AGAP1: variants seen among roughly 807,000 people sequenced by gnomAD.
AGAP1 encodes ArfGAP with GTPase domain, ankyrin repeat and PH domain 1.
Under a neutral mutation model 105.3 loss-of-function variants are expected in AGAP1, and 29 were observed. The ratio of observed to expected loss-of-function variants is 0.28; its 90% CI spans 0.21 to 0.38. The LOEUF is 0.38. Among genes scored for constraint, AGAP1 ranks in the 10% least tolerant of loss-of-function variants. The pLI is 1.00. For missense variants in AGAP1, 998 were observed against 1,165.1 expected (o/e 0.86, Z 2.09); for synonymous variants, 509 against 485.9 (o/e 1.05, Z -0.63).
In AGAP1 at chr2:235,963,732, G is replaced by A. The variant is rs1208974156; in HGVS notation, c.1484-4730G>A. 1.3e-5 allele frequency among the ~76,000 whole-genome samples: 2 copies of A among 152,138 alleles called. No individual in the cohort carries two copies. The highest frequency in any genetic ancestry group is 1.3e-4 in the Admixed American group (2 of 15,272). On this transcript the variant is annotated intron_variant, in intron 12 of 17. Coordinates refer to ENST00000304032, the MANE Select transcript of AGAP1 (RefSeq NM_001037131.3). The surrounding 1 kb of genome is among the most constrained non-coding windows in gnomAD (Gnocchi z 5.1). ...TGTTCACCATCTTTTTCATTGATGT[G>A]GATGGATATATGGGAGTATATGCTC...
chr2:235,814,605 G>A (rs761756945), intron 9 of AGAP1, among the ~76,000 whole-genome samples: 2 of 152,150 alleles, frequency 1.3e-5, no homozygotes, highest in Non-Finnish European at 2.9e-5. Context: ...GTGTACTGAC[G>A]ATCCCATCCC....
In AGAP1 at chr2:235,981,833, G is replaced by A. The variant is rs902975575; in HGVS notation, c.1645+13210G>A. Among the ~76,000 whole-genome samples, 5 of 152,312 alleles carry A rather than the reference G, an allele frequency of 3.3e-5. 1 individual carries two copies. The highest frequency in any genetic ancestry group is 4.1e-4 in the South Asian group (2 of 4,826). On this transcript the variant is annotated intron_variant, in intron 13 of 17. Coordinates refer to ENST00000304032, the MANE Select transcript of AGAP1 (RefSeq NM_001037131.3). This position sits in a 1 kb window ranked among gnomAD's most constrained non-coding sequence, Gnocchi z 5.5. ...GATCCAGGCGAGGGCAGCAGTGCTC[G>A]CCGCCTCTAACACATCTCCACGGTG...
chr2:235,749,735 C>G (rs1217974109), intron 5 of AGAP1, among the ~76,000 whole-genome samples: 1 of 152,214 alleles, frequency 6.6e-6, no homozygotes, highest in African/African-American at 2.4e-5. Flanking sequence ...TGACCTCCTT[C>G]CCGGCATCAG....
rs764566493 is a variant in AGAP1 at position 235,992,825 on chromosome 2, G to A, written c.1645+24202G>A. Among the ~76,000 whole-genome samples, 20 of 152,120 alleles carry A rather than the reference G, an allele frequency of 1.3e-4. No individual in the cohort carries two copies. The highest frequency in any genetic ancestry group is 1.9e-4 in the African/African-American group (8 of 41,426). On this transcript the variant is annotated intron_variant, in intron 13 of 17. Coordinates refer to ENST00000304032, the MANE Select transcript of AGAP1 (RefSeq NM_001037131.3). The surrounding 1 kb of genome is among the most constrained non-coding windows in gnomAD (Gnocchi z 4.8). ...TTTGGGGTAGACCAGCCGTTTCCACGCACAGGCTGCACATTGTTTCATGGC... is the reference window on the plus strand; with the variant it reads ...TTTGGGGTAGACCAGCCGTTTCCACACACAGGCTGCACATTGTTTCATGGC...
At chr2:235,816,607 C>T (rs1461883835) in intron 9 of AGAP1, among the ~76,000 whole-genome samples, 1 of 150,964 alleles carries the variant, frequency 6.6e-6, no homozygotes, top group African/African-American at 2.4e-5. Flanking sequence ...CAGATGTCTA[C>T]CAGCTGGGTG....
intron 9 of AGAP1, among the ~76,000 whole-genome samples, chr2:235,860,479 C>T (rs866233104): frequency 6.6e-6 from 1 of 152,074 alleles, no homozygotes; most frequent in Non-Finnish European, 1.5e-5. Context: ...ATCACAGATA[C>T]GTATTTTATT....
At chr2:235,682,704 G>A (rs988191520) in intron 1 of AGAP1, among the ~76,000 whole-genome samples, 2 of 152,182 alleles carry the variant, frequency 1.3e-5, no homozygotes, top group Non-Finnish European at 1.5e-5. Flanking sequence ...ACTTGTTTGT[G>A]CCTCAGTTTT....
At chr2:235,828,606 C>T (rs569633470) in intron 9 of AGAP1, among the ~76,000 whole-genome samples, 10 of 152,192 alleles carry the variant, frequency 6.6e-5, no homozygotes, top group East Asian at 3.9e-4. Context: ...GAATTGGAAA[C>T]GTAGAGGGTA....
At chr2:235,715,482 A>C (rs1385975072) in intron 2 of AGAP1, among the ~76,000 whole-genome samples, 2 of 152,154 alleles carry the variant, frequency 1.3e-5, no homozygotes, top group East Asian at 3.9e-4. Context: ...AGGGGTGCTC[A>C]GGTGACAGGA....
chr2:235,786,267 T>G (rs1956628352), intron 6 of AGAP1, among the ~76,000 whole-genome samples: 1 of 152,252 alleles, frequency 6.6e-6, no homozygotes, highest in Non-Finnish European at 1.5e-5. Context: ...CCTGGCCTTT[T>G]GAACAGATTT....
chr2:235,571,975 TACACACAC>T (rs371181654), intron 1 of AGAP1, among the ~76,000 whole-genome samples: 187 of 79,030 alleles, frequency 2.4e-3, no homozygotes, highest in African/African-American at 9.3e-3. Context: ...TATATATGTA[TACACACAC>T]ACACACACAC....
In AGAP1 at chr2:235,787,376, T is replaced by A. The variant is rs1042297346; in HGVS notation, c.674-10383T>A. 6.6e-6 allele frequency among the ~76,000 whole-genome samples: 1 copy of A among 152,256 alleles called. No individual in the cohort carries two copies. Among genetic ancestry groups the A allele is most frequent in the Admixed American group, 6.5e-5 (1 of 15,290 alleles). ...TATGTCTGTGCAACATTCATTAATTTCTCAGTATTTCCCCCTTGCAGATTA... is the reference window on the plus strand; with the variant it reads ...TATGTCTGTGCAACATTCATTAATTACTCAGTATTTCCCCCTTGCAGATTA... On this transcript the variant is annotated intron_variant, in intron 6 of 17. Transcript: ENST00000304032. The surrounding 1 kb of genome is among the most constrained non-coding windows in gnomAD (Gnocchi z 4.4).
chr2:235,937,943 G>A lies in AGAP1; in HGVS notation c.1483+7020G>A, dbSNP rs893486446. On this transcript the variant is annotated intron_variant, in intron 12 of 17. Coordinates refer to ENST00000304032, the MANE Select transcript of AGAP1 (RefSeq NM_001037131.3). ...CGCTTCCTTGGCCCCTTCCAGCTGC[G>A]GTTGCTGCGTTGCACAGTAATTCAG... Among the ~76,000 whole-genome samples the A allele has an allele frequency of 8.5e-5, 13 of 152,244 alleles. No homozygotes were observed. In the East Asian group the frequency reaches 1.5e-3, roughly 18 times the overall value.
chr2:235,876,806 A>T (rs1174457539), intron 9 of AGAP1, among the ~76,000 whole-genome samples: 1 of 149,888 alleles, frequency 6.7e-6, no homozygotes, highest in Non-Finnish European at 1.5e-5. Context: ...CGTTGCTGCC[A>T]TTCTAGACCA....
Position 235,575,610 on chromosome 2 carries a change from C to T in AGAP1, c.163+80761C>T, listed in dbSNP as rs544963791. On this transcript the variant is annotated intron_variant, in intron 1 of 17. Coordinates refer to ENST00000304032, the MANE Select transcript of AGAP1 (RefSeq NM_001037131.3). ...TGCTCACGGGTGGCCAGGTGTTTGACACTAGTATCCAGAGACAAACTCAGA... is the reference window on the plus strand; with the variant it reads ...TGCTCACGGGTGGCCAGGTGTTTGATACTAGTATCCAGAGACAAACTCAGA... Among the ~76,000 whole-genome samples, 4 of 152,348 alleles carry T rather than the reference C, an allele frequency of 2.6e-5. No individual in the cohort carries two copies. In the East Asian group the frequency reaches 7.7e-4, roughly 29 times the overall value.
At chr2:235,528,131 T>C (rs1942911337) in intron 1 of AGAP1, among the ~76,000 whole-genome samples, 1 of 152,214 alleles carries the variant, frequency 6.6e-6, no homozygotes. Context: ...TTTTTAACAA[T>C]AATAGCTATA....
chr2:235,675,027 T>C (rs1010536443), intron 1 of AGAP1, among the ~76,000 whole-genome samples: 1 of 151,794 alleles, frequency 6.6e-6, no homozygotes, highest in Non-Finnish European at 1.5e-5. Context: ...ATTTATATTT[T>C]TATTTTTTAA....
rs1480587492 is a variant in AGAP1, at chr2:235,994,849, G to T, written c.1645+26226G>T. Among the ~76,000 whole-genome samples, 2 of 149,804 alleles carry T rather than the reference G, an allele frequency of 1.3e-5. No homozygotes were observed. The highest frequency in any genetic ancestry group is 3.0e-5 in the Non-Finnish European group (2 of 67,470). On this transcript the variant is annotated intron_variant, in intron 13 of 17. Coordinates refer to ENST00000304032, the MANE Select transcript of AGAP1 (RefSeq NM_001037131.3). The surrounding 1 kb of genome is among the most constrained non-coding windows in gnomAD (Gnocchi z 4.4). Reference sequence around the variant, plus strand: ...TGGGAGGCCGAGGCGGGCGGATCACGAGGTCAGGAGTTTGAGACCAGCCTG... The same window carrying T: ...TGGGAGGCCGAGGCGGGCGGATCACTAGGTCAGGAGTTTGAGACCAGCCTG...
rs138386768 is a variant in AGAP1, at chr2:235,610,733, G to C, written c.164-98446G>C. The stretch of plus-strand genomic sequence containing the variant: ...CCTCAAACGCACTGTGCTCCCGTGA[G>C]CTCCCTGCCCTGGAGTGGAAACCCT... On this transcript the variant is annotated intron_variant, in intron 1 of 17. Coordinates refer to ENST00000304032, the MANE Select transcript of AGAP1 (RefSeq NM_001037131.3). This position sits in a 1 kb window ranked among gnomAD's most constrained non-coding sequence, Gnocchi z 4.9. Among the ~76,000 whole-genome samples the C allele has an allele frequency of 1.2e-4, 18 of 152,250 alleles. No individual in the cohort carries two copies. The highest frequency in any genetic ancestry group is 2.5e-4 in the Non-Finnish European group (17 of 68,018).
Sources: allele counts gnomAD v4.1 joint callset (sites outside exome capture counted in the v4.1 genomes callset), GRCh38; gene constraint gnomAD v4.1.1; non-coding constraint Gnocchi (gnomAD v3.1); transcripts MANE v1.5; gene names NCBI Gene and HGNC (gene_info 2026-07-23, HGNC 2026-07-21).